Variants in ZNF256 observed in about 807,000 individuals in gnomAD.
ZNF256 encodes bone marrow zinc finger 3.
In ZNF256, 4 loss-of-function variants were observed where a neutral mutation model predicts 7.9. The observed-to-expected ratio is 0.50, with a 90% confidence interval of 0.25 to 1.15. The LOEUF is 1.15. Among genes scored for constraint, ZNF256 ranks in the 50% most tolerant of loss-of-function variants. The pLI is 0.15. For missense variants in ZNF256, 666 were observed against 755.9 expected (o/e 0.88, Z 1.39); for synonymous variants, 260 against 260.4 (o/e 1.00, Z 0.02).
chr19:57,944,169 G>A, intron 1 of ZNF256, 109 bp from the exon 2 acceptor site: 1 of 1,508,200 alleles, frequency 6.6e-7, no homozygotes, highest in Non-Finnish European at 9.0e-7. Flanking sequence ...AGCTCTCCAA[G>A]CTCCCCAGCT....
At chr19:57,943,115 G>A (rs1434298623) in intron 2 of ZNF256, among the ~76,000 whole-genome samples, 1 of 152,190 alleles carries the variant, frequency 6.6e-6, no homozygotes, top group Admixed American at 6.5e-5. Context: ...CCAGAGATGT[G>A]GGGATTAACC....
At chr19:57,943,414 A>C (rs1436304793) in intron 2 of ZNF256, among the ~76,000 whole-genome samples, 2 of 152,180 alleles carry the variant, frequency 1.3e-5, no homozygotes, top group African/African-American at 4.8e-5. Context: ...CCTACAATCA[A>C]GAACACGGAA....
intron 1 of ZNF256, among the ~76,000 whole-genome samples, chr19:57,945,036 C>T (rs2072757134): frequency 6.6e-6 from 1 of 151,804 alleles, no homozygotes; most frequent in Non-Finnish European, 1.5e-5. Flanking sequence ...GCTGGGACTA[C>T]AGGCACCCGC....
In ZNF256 at chr19:57,947,494, G is replaced by C. The variant is rs1236424432; in HGVS notation, c.-20C>G. On this transcript the variant is annotated 5_prime_UTR_variant, in exon 1 of 3. Coordinates refer to ENST00000282308, the MANE Select transcript of ZNF256 (RefSeq NM_005773.3). ...CGCCATCTGACTCTGTGAGCGGAGCGGGGCCAGAGAGGATGTCCTTATTCC... is the reference window on the plus strand; with the variant it reads ...CGCCATCTGACTCTGTGAGCGGAGCCGGGCCAGAGAGGATGTCCTTATTCC... 3 of 1,248,998 alleles carry C rather than the reference G, an allele frequency of 2.4e-6. No homozygotes were observed. The South Asian group carries it at 1.2e-4, about 51-fold the overall frequency. 77.4% of individuals were successfully genotyped at this position (1,248,998 alleles called of 1,614,324 possible). A position where few individuals can be genotyped will look rare whatever the true frequency, so the allele number is the denominator to read the frequency against.
chr19:57,943,479 C>T (rs1051806009), intron 2 of ZNF256, among the ~76,000 whole-genome samples: 1 of 151,960 alleles, frequency 6.6e-6, no homozygotes, highest in Non-Finnish European at 1.5e-5. Context: ...ACATGATAGC[C>T]TACAGGAAAA....
chr19:57,947,692 G>A lies in ZNF256; in HGVS notation c.-218C>T. The A allele has an allele frequency of 2.3e-6, 1 of 431,106 alleles. No individual in the cohort carries two copies. Among genetic ancestry groups the A allele is most frequent in the Non-Finnish European group, 3.9e-6 (1 of 256,170 alleles). The allele number at this position is 431,106 out of a possible 1,614,324, so 26.7% of individuals were successfully genotyped here. A position where few individuals can be genotyped will look rare whatever the true frequency, so the allele number is the denominator to read the frequency against. On this transcript the variant is annotated 5_prime_UTR_variant, in exon 1 of 3. Transcript: ENST00000282308. ...ATGCCAAAACGACCGCCACAAGGAG[G>A]ACAACGGAAGTCCCGCCGCGACCGC...
Position 57,942,370 on chromosome 19 carries a change from GA to G in ZNF256, c.437del (p.Phe146SerfsTer11). The G allele has an allele frequency of 6.2e-7, 1 of 1,614,210 alleles. No homozygotes were observed. The highest frequency in any genetic ancestry group is 8.5e-7 in the Non-Finnish European group (1 of 1,180,044). On this transcript the variant is annotated frameshift_variant, in exon 3 of 3. Transcript: ENST00000282308. LOFTEE classifies it low-confidence loss of function (END_TRUNC). ...ACATGTCTCTGCCCCCATTGCTTCTGAAGTGTTTCTGTCCAACATGCTGCTT... is the reference window on the plus strand; with the variant it reads ...ACATGTCTCTGCCCCCATTGCTTCTGAGTGTTTCTGTCCAACATGCTGCTT... ...HQKQHVGQKHFRSNGGRDMFL... is the reference protein window; with the variant it reads ...HQKQHVGQKHXRSNGGRDMFL...
In ZNF256 at chr19:57,947,476, T is replaced by G; in HGVS notation, c.-2A>C. On this transcript the variant is annotated 5_prime_UTR_variant, in exon 1 of 3. Coordinates refer to ENST00000282308, the MANE Select transcript of ZNF256 (RefSeq NM_005773.3). ...GGCCGTCAGCTCGGCCGCCGCCATC[T>G]GACTCTGTGAGCGGAGCGGGGCCAG... 1.6e-6 allele frequency: 2 copies of G among 1,249,238 alleles called. No individual in the cohort carries two copies. Among genetic ancestry groups the G allele is most frequent in the Non-Finnish European group, 2.0e-6 (2 of 988,572 alleles). The allele number at this position is 1,249,238 out of a possible 1,614,324, so 77.4% of individuals were successfully genotyped here. A position where few individuals can be genotyped will look rare whatever the true frequency, so the allele number is the denominator to read the frequency against.
At chr19:57,945,158 G>C (rs1485471884) in intron 1 of ZNF256, among the ~76,000 whole-genome samples, 1 of 152,004 alleles carries the variant, frequency 6.6e-6, no homozygotes, top group Non-Finnish European at 1.5e-5. Flanking sequence ...GCCTCCCAAA[G>C]TGCTGGGATT....
At position 57,941,140 on chromosome 19, in the gene ZNF256, A is replaced by G; in HGVS notation, c.1668T>C (p.Phe556=). The change falls in exon 3 of 3, where the codon TTT becomes TTC. Residue 556 remains phenylalanine (F), a synonymous_variant. Transcript: ENST00000282308. ...PYECSECWKS[F]SNHSSLVKHR... ...GTTTAACGAGGCTAGAGTGGTTACT[A>G]AAGGATTTCCAACACTCACTGCACT... 1.2e-6 allele frequency: 2 copies of G among 1,614,178 alleles called. No homozygotes were observed. Among genetic ancestry groups the G allele is most frequent in the South Asian group, 2.2e-5 (2 of 91,080 alleles).
At chr19:57,943,872 T>C in intron 2 of ZNF256, 62 bp downstream of exon 2, 1 of 1,583,056 alleles carries the variant, frequency 6.3e-7, no homozygotes, top group Non-Finnish European at 8.6e-7. Context: ...CACATCTGAC[T>C]CTGGGGAAAG....
At position 57,942,552 on chromosome 19, in the gene ZNF256, G is replaced by T; in HGVS notation, c.256C>A (p.Pro86Thr). 6.2e-7 allele frequency: 1 copy of T among 1,614,206 alleles called. No homozygotes were observed. The change falls in exon 3 of 3, where the codon CCC becomes ACC. Residue 86 changes from proline (P) to threonine (T), a missense_variant. By Grantham distance (38) the Pro-to-Thr change is conservative. Coordinates refer to ENST00000282308, the MANE Select transcript of ZNF256 (RefSeq NM_005773.3). ...ATCTCACAGGGGTTGGTCTTCTGGG[G>T]AGAAGGAAGGGCCTTAGGAATCCTA... is the stretch of plus-strand genomic sequence containing the variant. ...QVRIPKALPS[P>T]QKTNPCEICG...
At chr19:57,944,922 T>TG (rs2072756404) in intron 1 of ZNF256, among the ~76,000 whole-genome samples, 1 of 151,828 alleles carries the variant, frequency 6.6e-6, no homozygotes, top group Non-Finnish European at 1.5e-5. Context: ...AATTTTTTTT[T>TG]TTTTTTTGAG....
At chr19:57,946,218 C>T (rs963693826) in intron 1 of ZNF256, among the ~76,000 whole-genome samples, 13 of 152,206 alleles carry the variant, frequency 8.5e-5, no homozygotes, top group African/African-American at 2.9e-4. Context: ...AGCTCACTAA[C>T]CTTGGTGCGC....
Position 57,942,664 on chromosome 19 carries a change from G to A in ZNF256, c.161-17C>T. ...CAGAACCACCTGAAAGAAAGAAAAT[G>A]CTGGTGAAGAGCATGCTGACTTTAG... On this transcript the variant is annotated splice_polypyrimidine_tract_variant and intron_variant, in intron 2 of 2. Transcript: ENST00000282308. 1 of 1,607,564 alleles carries A rather than the reference G, an allele frequency of 6.2e-7. No homozygotes were observed. The highest frequency in any genetic ancestry group is 8.5e-7 in the Non-Finnish European group (1 of 1,175,994).
At chr19:57,947,230 C>T (rs1340834160) in intron 1 of ZNF256, among the ~76,000 whole-genome samples, 1 of 152,246 alleles carries the variant, frequency 6.6e-6, no homozygotes, top group South Asian at 2.1e-4. Context: ...GGCTGTGTCA[C>T]CTCTGTGCCC....
At chr19:57,944,212 C>G in intron 1 of ZNF256, 152 bp from the exon 2 acceptor site, 2 of 1,129,972 alleles carry the variant, frequency 1.8e-6, no homozygotes, top group Non-Finnish European at 2.5e-6. Context: ...GTGCTGTTGT[C>G]TCCTAATGGG....
Position 57,947,503 on chromosome 19 carries a change from G to A in ZNF256, c.-29C>T, listed in dbSNP as rs903901153. On this transcript the variant is annotated 5_prime_UTR_variant, in exon 1 of 3. Transcript: ENST00000282308. Reference sequence around the variant, plus strand: ...ACTCTGTGAGCGGAGCGGGGCCAGAGAGGATGTCCTTATTCCGGGCCGGGC... The same window carrying A: ...ACTCTGTGAGCGGAGCGGGGCCAGAAAGGATGTCCTTATTCCGGGCCGGGC... 1.4e-5 allele frequency: 18 copies of A among 1,249,056 alleles called. No individual in the cohort carries two copies. The highest frequency in any genetic ancestry group is 4.6e-5 in the African/African-American group (3 of 64,520). The allele number at this position is 1,249,056 out of a possible 1,614,324, so 77.4% of individuals were successfully genotyped here. A position where few individuals can be genotyped will look rare whatever the true frequency, so the allele number is the denominator to read the frequency against.
Position 57,941,229 on chromosome 19 carries a change from AC to A in ZNF256, c.1578del (p.Lys526AsnfsTer94), listed in dbSNP as rs2072725283. The A allele has an allele frequency of 5.0e-6, 8 of 1,613,788 alleles. No individual in the cohort carries two copies. The highest frequency in any genetic ancestry group is 6.8e-6 in the Non-Finnish European group (8 of 1,179,760). ...ATGAGGCTGGAGCTCTGGCTAAAAA[AC>A]TTCCCACATTCATTGCACTCATAAG... is the stretch of plus-strand genomic sequence containing the variant. ...ERPYECNECG[K>X]FFSQSSSLIR... On this transcript the variant is annotated frameshift_variant, in exon 3 of 3. Coordinates refer to ENST00000282308, the MANE Select transcript of ZNF256 (RefSeq NM_005773.3). LOFTEE classifies it low-confidence loss of function (END_TRUNC).
Sources: allele counts gnomAD v4.1 joint callset (sites outside exome capture counted in the v4.1 genomes callset), GRCh38; gene constraint gnomAD v4.1.1; transcripts MANE v1.5; gene names NCBI Gene and HGNC (gene_info 2026-07-23, HGNC 2026-07-21).